Variants in NBEAL2 observed in about 807,000 individuals in gnomAD.
NBEAL2 encodes the protein neurobeachin-like protein 2.
Under a neutral mutation model 299.8 loss-of-function variants are expected in NBEAL2, and 160 were observed. The observed-to-expected ratio is 0.53, with a 90% CI of 0.47 to 0.61. The LOEUF is 0.61. Among genes scored for constraint, NBEAL2 ranks in the 20% least tolerant of loss-of-function variants. The pLI is 0.00. For synonymous variants in NBEAL2, 1,493 were observed against 1,542.3 expected, an observed-to-expected ratio of 0.97 and a Z score of 0.75; for missense variants, 3,112 against 3,649.0, an observed-to-expected ratio of 0.85 and a Z score of 3.79.
At chr3:46,998,672 C>G (rs774516668) in intron 22 of NBEAL2, 45 bp from the exon 23 acceptor site, 1 of 1,555,124 alleles carries the variant, frequency 6.4e-7, no homozygotes, top group South Asian at 1.2e-5. Flanking sequence ...CCTCTCTCCC[C>G]GCCTTTCTTT....
At chr3:47,007,760 T>C in intron 48 of NBEAL2, 56 bp from the exon 49 acceptor site, 1 of 1,608,622 alleles carries the variant, frequency 6.2e-7, no homozygotes, top group Non-Finnish European at 8.5e-7. Flanking sequence ...GTTCTGAGGC[T>C]GGCCAGGGCG....
chr3:47,006,093 C>T lies in NBEAL2; in HGVS notation c.6919+30C>T, dbSNP rs751567036. On this transcript the variant is annotated intron_variant, in intron 43 of 53. Coordinates refer to ENST00000450053, the MANE Select transcript of NBEAL2 (RefSeq NM_015175.3). The stretch of plus-strand genomic sequence containing the variant: ...GCAGTGCGCTGGACTCCAGTCAGGG[C>T]CAGGACAAGATCAGGTCGGGTGGAT... 2.3e-5 allele frequency: 37 copies of T among 1,612,294 alleles called. No homozygotes were observed. In the Admixed American group the frequency reaches 6.2e-4, roughly 27 times the overall value.
In NBEAL2 at chr3:46,999,649, T is replaced by C. The variant is rs756501921; in HGVS notation, c.3723T>C (p.Asp1241=). 1 of 1,613,056 alleles carries C rather than the reference T, an allele frequency of 6.2e-7. No individual in the cohort carries two copies. Among genetic ancestry groups the C allele is most frequent in the East Asian group, 2.2e-5 (1 of 44,848 alleles). ...FLGADCLNLS[D]LLAVVQLSLQ... ...CCCCAGATTGCCTGAACCTCTCAGA[T>C]CTGCTGGCTGTGGTACAGCTGTCCC... The change falls in exon 26 of 54, where the codon GAT becomes GAC. Residue 1241 remains aspartate, a synonymous_variant. Transcript: ENST00000450053.
intron 1 of NBEAL2, among the ~76,000 whole-genome samples, chr3:46,983,552 C>G (rs2035495803): frequency 6.6e-6 from 1 of 152,120 alleles, no homozygotes. Context: ...TTGTGATCTG[C>G]CCGCCTCAGC....
chr3:46,995,454 T>A lies in NBEAL2; in HGVS notation c.1719T>A (p.Gly573=), dbSNP rs754522630. ...TATCAGGCATGGCCAGGCACCAGGG[T>A]CCTGCACGTGCTCTGCGCTACTTTG... The part of the protein sequence containing the change: ...RTLSGMARHQ[G]PARALRYFDL... The change falls in exon 13 of 54, where the codon GGT becomes GGA. Residue 573 remains glycine (G), a synonymous_variant. Transcript: ENST00000450053. The A allele has an allele frequency of 6.2e-7, 1 of 1,612,798 alleles. No individual in the cohort carries two copies. The highest frequency in any genetic ancestry group is 8.5e-7 in the Non-Finnish European group (1 of 1,179,888).
chr3:46,995,345 T>C lies in NBEAL2; in HGVS notation c.1610T>C (p.Leu537Pro), dbSNP rs1486067491. The C allele has an allele frequency of 1.9e-6, 3 of 1,608,934 alleles. No homozygotes were observed. Among genetic ancestry groups the C allele is most frequent in the Admixed American group, 1.7e-5 (1 of 59,288 alleles). Residue 537 changes from leucine (L) to proline (P), a missense_variant, in exon 13 of 54, where the codon CTG becomes CCG. By Grantham distance (98) the Leu-to-Pro change is moderately conservative. This residue lies in a region of NBEAL2 where 2,243 missense variants were observed against 2,538.1 expected (regional missense o/e 0.88). Transcript: ENST00000450053. ...AGGCCCATGGAGCTGCGTCACCTGC[T>C]GCGCCCCCGGCCAGGATTGGACTCG... ...SIRPMELRHL[L>P]RPRPGLDSEP... is the part of the protein sequence containing the mutation.
chr3:46,989,578 A>G lies in NBEAL2; in HGVS notation c.541A>G (p.Ser181Gly). 1 of 1,593,524 alleles carries G rather than the reference A, an allele frequency of 6.3e-7. No homozygotes were observed. The highest frequency in any genetic ancestry group is 8.5e-7 in the Non-Finnish European group (1 of 1,169,882). Reference sequence around the variant, plus strand: ...TCCTGCTGCTTTGCCCCAGGAATTCAGCGCCTTCTTCCAAGGTCAGGCCCC... The same window carrying G: ...TCCTGCTGCTTTGCCCCAGGAATTCGGCGCCTTCTTCCAAGGTCAGGCCCC... Reference protein sequence around the residue: ...FPPAALPQEFSAFFQESLQNA... With the variant: ...FPPAALPQEFGAFFQESLQNA... The change falls in exon 6 of 54, where the codon AGC becomes GGC. Residue 181 changes from serine (S) to glycine (G), a missense_variant. Coordinates refer to ENST00000450053, the MANE Select transcript of NBEAL2 (RefSeq NM_015175.3). This position sits in a 1 kb window ranked among gnomAD's most constrained non-coding sequence, Gnocchi z 5.5.
intron 1 of NBEAL2, among the ~76,000 whole-genome samples, chr3:46,981,241 G>A (rs1019117225): frequency 6.6e-6 from 1 of 152,126 alleles, no homozygotes; most frequent in Non-Finnish European, 1.5e-5. Context: ...TCAGGAGATC[G>A]AGACCATCCT....
chr3:47,008,980 C>G lies in NBEAL2; in HGVS notation c.8028-9C>G, dbSNP rs1192409237. 6.9e-6 allele frequency: 11 copies of G among 1,598,696 alleles called. No individual in the cohort carries two copies. The highest frequency in any genetic ancestry group is 9.3e-6 in the Non-Finnish European group (11 of 1,179,830). ...TCGCAAGTTGGTGTATATCCCCTCTCCCTTCCAGACTGCTCCCGGCCGCGC... is the reference window on the plus strand; with the variant it reads ...TCGCAAGTTGGTGTATATCCCCTCTGCCTTCCAGACTGCTCCCGGCCGCGC... On this transcript the variant is annotated splice_polypyrimidine_tract_variant and intron_variant, in intron 52 of 53. Coordinates refer to ENST00000450053, the MANE Select transcript of NBEAL2 (RefSeq NM_015175.3).
In NBEAL2 at chr3:47,002,497, G is replaced by T. The variant is rs538047537; in HGVS notation, c.5278G>T (p.Ala1760Ser). The change falls in exon 32 of 54, where the codon GCC (alanine) becomes TCC (serine). Residue 1760 changes from alanine (A) to serine (S), a missense_variant. By Grantham distance (99) the Ala-to-Ser change is moderately conservative (BLOSUM62 1). Around this residue, in one of 3 missense-constraint regions of NBEAL2, gnomAD observed 2,243 missense variants for 2,538.1 expected, o/e 0.88. Coordinates refer to ENST00000450053, the MANE Select transcript of NBEAL2 (RefSeq NM_015175.3). Reference sequence around the variant, plus strand: ...TGGGCAGCGGCGCCAGTGGGAGCGCGCCCAGAGTCGTCGGGCCTTCCAGGT... The same window carrying T: ...TGGGCAGCGGCGCCAGTGGGAGCGCTCCCAGAGTCGTCGGGCCTTCCAGGT... ...SSGQRRQWER[A>S]QSRRAFQELV... 6.2e-7 allele frequency: 1 copy of T among 1,612,822 alleles called. No homozygotes were observed. The highest frequency in any genetic ancestry group is 1.3e-5 in the African/African-American group (1 of 75,066).
At position 46,988,560 on chromosome 3, in the gene NBEAL2, C is replaced by T; in HGVS notation, c.52-109C>T. The T allele has an allele frequency of 2.1e-6, 2 of 938,002 alleles. No homozygotes were observed. The highest frequency in any genetic ancestry group is 3.4e-6 in the Non-Finnish European group (2 of 591,374). The allele number at this position is 938,002 out of a possible 1,614,324, so 58.1% of individuals were successfully genotyped here. A position where few individuals can be genotyped will look rare whatever the true frequency, so the allele number is the denominator to read the frequency against. The stretch of plus-strand genomic sequence containing the variant: ...TCTGCCTTTAACCCCTTGTCCATGC[C>T]CTCTGTCCACCTCCATTCATTCTTC... On this transcript the variant is annotated intron_variant, in intron 1 of 53. Transcript: ENST00000450053. The surrounding 1 kb of genome is among the most constrained non-coding windows in gnomAD (Gnocchi z 4.4).
intron 40 of NBEAL2, 79 bp from the exon 41 acceptor site, chr3:47,005,410 C>T: frequency 6.3e-7 from 1 of 1,574,926 alleles, no homozygotes; most frequent in African/African-American, 1.4e-5. Flanking sequence ...CCCTGGCTCC[C>T]TTCTTCCCTC....
chr3:47,002,348 T>C, intron 31 of NBEAL2, 23 bp from the exon 32 acceptor site: 2 of 1,612,722 alleles, frequency 1.2e-6, no homozygotes. Context: ...TCGAGCACTG[T>C]TCTCCTCTGC....
Position 47,009,518 on chromosome 3 carries a change from G to C in NBEAL2, c.*198G>C, listed in dbSNP as rs1212482040. ...GGAAGTCCCGCCCCTCGCCGGCTGA[G>C]GGGCCGCCCTGAGGGCCAGCACTGG... On this transcript the variant is annotated 3_prime_UTR_variant, in exon 54 of 54. Coordinates refer to ENST00000450053, the MANE Select transcript of NBEAL2 (RefSeq NM_015175.3). 5.0e-6 allele frequency: 3 copies of C among 606,000 alleles called. No homozygotes were observed. In the African/African-American group the frequency reaches 5.8e-5, roughly 12 times the overall value. The allele number at this position is 606,000 out of a possible 1,614,324, so 37.5% of individuals were successfully genotyped here. A position where few individuals can be genotyped will look rare whatever the true frequency, so the allele number is the denominator to read the frequency against.
In NBEAL2 at chr3:47,008,114, G is replaced by T; in HGVS notation, c.7647G>T (p.Leu2549=). ...TGGCACCAAAGCCTGTGCAGGTCCT[G>T]TATGGGCATGGGGCTGCAGTGAGCT... The part of the protein sequence containing the change: ...VGLAPKPVQV[L]YGHGAAVSCV... Residue 2549 remains leucine (L), a synonymous_variant, in exon 50 of 54, where the codon CTG becomes CTT. Transcript: ENST00000450053. 1 of 1,614,034 alleles carries T rather than the reference G, an allele frequency of 6.2e-7. No homozygotes were observed. Among genetic ancestry groups the T allele is most frequent in the South Asian group, 1.1e-5 (1 of 91,088 alleles).
rs766734398 is a variant in NBEAL2 at position 46,999,354 on chromosome 3, C to T, written c.3583C>T (p.Arg1195Trp). 4.7e-5 allele frequency: 76 copies of T among 1,610,290 alleles called. No individual in the cohort carries two copies. The highest frequency in any genetic ancestry group is 1.3e-4 in the South Asian group (12 of 90,836). The change falls in exon 25 of 54, where the codon CGG becomes TGG. Residue 1195 changes from arginine (R) to tryptophan (W), a missense_variant. Arg to Trp is a moderately radical substitution (Grantham distance 101). Around this residue, in one of 3 missense-constraint regions of NBEAL2, gnomAD observed 2,243 missense variants for 2,538.1 expected, o/e 0.88. Coordinates refer to ENST00000450053, the MANE Select transcript of NBEAL2 (RefSeq NM_015175.3). ...RLQQNERLPERSRQRLRLREC... is the reference protein window; with the variant it reads ...RLQQNERLPEWSRQRLRLREC... ...GCAGCAGAATGAGCGGCTACCTGAGCGGAGCCGCCAGCGCCTCCGGCTGCG... is the reference window on the plus strand; with the variant it reads ...GCAGCAGAATGAGCGGCTACCTGAGTGGAGCCGCCAGCGCCTCCGGCTGCG...
chr3:46,994,341 A>C, intron 11 of NBEAL2, 114 bp from the exon 12 acceptor site: 1 of 945,426 alleles, frequency 1.1e-6, no homozygotes, highest in Non-Finnish European at 1.6e-6. Context: ...ACCCAGAGGC[A>C]GAGCTACGCA....
rs2035940604 is a variant in NBEAL2 at position 46,989,613 on chromosome 3, C to T, written c.556+20C>T. 1.9e-6 allele frequency: 3 copies of T among 1,564,726 alleles called. No individual in the cohort carries two copies. The highest frequency in any genetic ancestry group is 2.7e-5 in the African/African-American group (2 of 73,510). The stretch of plus-strand genomic sequence containing the variant: ...TCCAAGGTCAGGCCCCGCCCCTGCC[C>T]CCACTTGGCTCCACCCCCAAACCTA... On this transcript the variant is annotated intron_variant, in intron 6 of 53. Coordinates refer to ENST00000450053, the MANE Select transcript of NBEAL2 (RefSeq NM_015175.3). This position sits in a 1 kb window ranked among gnomAD's most constrained non-coding sequence, Gnocchi z 5.5.
At position 46,996,460 on chromosome 3, in the gene NBEAL2, A is replaced by G. The variant is rs1340890998; in HGVS notation, c.2341A>G (p.Ile781Val). Residue 781 changes from isoleucine (I) to valine (V), a missense_variant, in exon 16 of 54, where the codon ATC becomes GTC. Transcript: ENST00000450053. Reference sequence around the variant, plus strand: ...GGTGGCCCCCCTGCAGGAGGGCAGCATCGACTCTACCCTCGCAGGCACCCA... The same window carrying G: ...GGTGGCCCCCCTGCAGGAGGGCAGCGTCGACTCTACCCTCGCAGGCACCCA... ...GLVAPLQEGSIDSTLAGTQDT... is the reference protein window; with the variant it reads ...GLVAPLQEGSVDSTLAGTQDT... 1 of 1,605,236 alleles carries G rather than the reference A, an allele frequency of 6.2e-7. No homozygotes were observed. Among genetic ancestry groups the G allele is most frequent in the East Asian group, 2.2e-5 (1 of 44,630 alleles).
Sources: gnomAD v4.1 joint callset for allele counts (sites outside exome capture counted in the v4.1 genomes callset) on GRCh38, gnomAD v4.1.1 for gene constraint, gnomAD v4.1.1 regional missense constraint, Gnocchi (gnomAD v3.1) non-coding constraint, MANE v1.5 for transcripts, NCBI Gene and HGNC (gene_info 2026-07-23, HGNC 2026-07-21) for gene names.